CAMK1G: variants seen among roughly 807,000 people sequenced by gnomAD.
The protein encoded by CAMK1G is calcium/calmodulin dependent protein kinase IG.
CAMK1G carries 27 observed loss-of-function variants against 54.8 expected under a neutral mutation model. That is an observed-to-expected ratio of 0.49 (90% CI 0.36 to 0.68). CAMK1G has a LOEUF of 0.68. CAMK1G is among the 30% of genes least tolerant of loss of function. The pLI is 0.00. For missense variants in CAMK1G, 512 were observed against 591.0 expected, an observed-to-expected ratio of 0.87 and a Z score of 1.39; for synonymous variants, 238 against 224.9, an observed-to-expected ratio of 1.06 and a Z score of -0.52.
At chr1:209,591,259 C>A (rs1050156399) in intron 1 of CAMK1G, among the ~76,000 whole-genome samples, 4 of 152,112 alleles carry the variant, frequency 2.6e-5, no homozygotes, top group Non-Finnish European at 5.9e-5. Flanking sequence ...TGCCACCCTG[C>A]CAAGAGGAGC....
intron 1 of CAMK1G, among the ~76,000 whole-genome samples, chr1:209,590,148 T>C (rs1344080207): frequency 6.6e-6 from 1 of 152,146 alleles, no homozygotes; most frequent in Non-Finnish European, 1.5e-5. Flanking sequence ...ATGAGAGCAA[T>C]ATTGGAGCTT....
intron 1 of CAMK1G, among the ~76,000 whole-genome samples, chr1:209,585,114 C>T (rs150593580): frequency 6.6e-6 from 1 of 152,244 alleles, no homozygotes; most frequent in Non-Finnish European, 1.5e-5. Flanking sequence ...TTCCACGATG[C>T]TGCAGATTGC....
At chr1:209,597,855 C>G (rs749112976) in intron 2 of CAMK1G, among the ~76,000 whole-genome samples, 9 of 152,200 alleles carry the variant, frequency 5.9e-5, no homozygotes, top group Admixed American at 1.3e-4. Context: ...TCTTGTACTA[C>G]TGGGTGTTCT....
chr1:209,610,705 AT>A (rs1665760148), intron 9 of CAMK1G, among the ~76,000 whole-genome samples: 1 of 151,752 alleles, frequency 6.6e-6, no homozygotes, highest in Non-Finnish European at 1.5e-5. Context: ...GCCCAACCCA[AT>A]CTCCCCAGTT....
At chr1:209,603,411 G>A (rs890811369) in intron 4 of CAMK1G, 123 bp downstream of exon 4, 9 of 739,612 alleles carry the variant, frequency 1.2e-5, no homozygotes, top group African/African-American at 7.1e-5. Context: ...CTTCATTCAG[G>A]AGGCTCAGAA....
intron 2 of CAMK1G, among the ~76,000 whole-genome samples, chr1:209,597,239 T>A (rs1219352647): frequency 1.3e-5 from 2 of 152,228 alleles, no homozygotes; most frequent in Non-Finnish European, 2.9e-5. Context: ...TATGAACATG[T>A]ATGATGGCTT....
intron 3 of CAMK1G, among the ~76,000 whole-genome samples, chr1:209,601,685 C>A (rs1210552761): frequency 6.6e-6 from 1 of 152,126 alleles, no homozygotes; most frequent in Non-Finnish European, 1.5e-5. Flanking sequence ...GTTAGCATTG[C>A]CAGCTTCTGA....
chr1:209,595,714 A>C (rs1306778232), intron 2 of CAMK1G, among the ~76,000 whole-genome samples: 1 of 152,216 alleles, frequency 6.6e-6, no homozygotes, highest in Non-Finnish European at 1.5e-5. Context: ...CTCGTGGGTC[A>C]CACACACCTG....
chr1:209,606,389 A>C lies in CAMK1G; in HGVS notation c.505A>C (p.Lys169Gln). Residue 169 changes from lysine to glutamine, a missense_variant, in exon 6 of 13, where the codon AAG becomes CAG. Around this residue, in one of 3 missense-constraint regions of CAMK1G, gnomAD observed 186 missense variants for 231.5 expected, o/e 0.80. Coordinates refer to ENST00000361322, the MANE Select transcript of CAMK1G (RefSeq NM_020439.3). ...KIMITDFGLS[K>Q]MEQNGIMSTA... ...CATGATCACTGACTTTGGTCTGTCC[A>C]AGATGGAACAGAATGGCATCATGTC... The C allele has an allele frequency of 1.2e-6, 2 of 1,614,120 alleles. No homozygotes were observed. Among genetic ancestry groups the C allele is most frequent in the Non-Finnish European group, 1.7e-6 (2 of 1,179,972 alleles).
At position 209,613,309 on chromosome 1, in the gene CAMK1G, C is replaced by T; in HGVS notation, c.*307C>T. The T allele has an allele frequency of 4.9e-6, 1 of 205,398 alleles. No individual in the cohort carries two copies. 12.7% of individuals were successfully genotyped at this position (205,398 alleles called of 1,614,324 possible). ...ATGCCCCACACCCTACGTGCCGTGGCTCTGTGCAGTGTACGTAGATAGCTC... is the reference window on the plus strand; with the variant it reads ...ATGCCCCACACCCTACGTGCCGTGGTTCTGTGCAGTGTACGTAGATAGCTC... On this transcript the variant is annotated 3_prime_UTR_variant, in exon 13 of 13. Transcript: ENST00000361322.
rs1376781808 is a variant in CAMK1G, at chr1:209,609,942, T to C, written c.827+13T>C. On this transcript the variant is annotated intron_variant, in intron 9 of 12. Transcript: ENST00000361322. Reference sequence around the variant, plus strand: ...TGAGTCATCCCTGGTGAGTGAGACATGGAGTGGACTCTAGACCCCAGCCCT... The same window carrying C: ...TGAGTCATCCCTGGTGAGTGAGACACGGAGTGGACTCTAGACCCCAGCCCT... The C allele has an allele frequency of 5.8e-5, 93 of 1,607,236 alleles. No homozygotes were observed. Among genetic ancestry groups the C allele is most frequent in the Non-Finnish European group, 7.7e-5 (90 of 1,173,834 alleles).
intron 3 of CAMK1G, among the ~76,000 whole-genome samples, chr1:209,601,324 A>C (rs1341416381): frequency 6.6e-6 from 1 of 152,236 alleles, no homozygotes; most frequent in Non-Finnish European, 1.5e-5. Context: ...TTTGGGGTTG[A>C]CTAGTGAAAG....
At chr1:209,596,610 C>T (rs999237922) in intron 2 of CAMK1G, among the ~76,000 whole-genome samples, 5 of 151,838 alleles carry the variant, frequency 3.3e-5, no homozygotes, top group African/African-American at 1.2e-4. Flanking sequence ...CATCTAAATT[C>T]AACGTTGTTA....
At chr1:209,584,327 CGAG>C (rs1402571561) in intron 1 of CAMK1G, among the ~76,000 whole-genome samples, 5 of 152,168 alleles carry the variant, frequency 3.3e-5, no homozygotes, top group Non-Finnish European at 5.9e-5. Flanking sequence ...CTAAGGAAGA[CGAG>C]TCAGCCTCAG....
chr1:209,611,842 G>A lies in CAMK1G; in HGVS notation c.966G>A (p.Met322Ile). 1 of 1,614,178 alleles carries A rather than the reference G, an allele frequency of 6.2e-7. No individual in the cohort carries two copies. The highest frequency in any genetic ancestry group is 8.5e-7 in the Non-Finnish European group (1 of 1,180,048). The change falls in exon 11 of 13, where the codon ATG becomes ATA. Residue 322 changes from methionine (M) to isoleucine (I), a missense_variant. Transcript: ENST00000361322. Reference sequence around the variant, plus strand: ...TGCACCACATGAGGAAGCTACACATGAACCTGCACAGCCCGGGCGTCCGCC... The same window carrying A: ...TGCACCACATGAGGAAGCTACACATAAACCTGCACAGCCCGGGCGTCCGCC... The part of the protein sequence containing the change: ...AVVHHMRKLH[M>I]NLHSPGVRPE...
rs57076563 is a variant in CAMK1G, at chr1:209,609,187, A to G, written c.748+95A>G. The G allele has an allele frequency of 7.8e-3, 11,484 of 1,477,166 alleles. 719 individuals carry two copies. The African/African-American group carries it at 0.14, about 18-fold the overall frequency. 91.5% of individuals were successfully genotyped at this position (1,477,166 alleles called of 1,614,324 possible). A position where few individuals can be genotyped will look rare whatever the true frequency, so the allele number is the denominator to read the frequency against. On this transcript the variant is annotated intron_variant, in intron 8 of 12. Coordinates refer to ENST00000361322, the MANE Select transcript of CAMK1G (RefSeq NM_020439.3). The stretch of plus-strand genomic sequence containing the variant: ...CAAAGGATGACAGTCCCGGCTCTTC[A>G]AAGTCCCTGGGGATCTTACAGAACA...
intron 1 of CAMK1G, among the ~76,000 whole-genome samples, chr1:209,589,642 G>C (rs1206235991): frequency 1.3e-5 from 2 of 152,160 alleles, no homozygotes; most frequent in Non-Finnish European, 2.9e-5. Flanking sequence ...TGAGTGCCAG[G>C]AACAGTAGTA....
Position 209,609,855 on chromosome 1 carries a change from G to A in CAMK1G, c.753G>A (p.Lys251=). Residue 251 remains lysine (K), a synonymous_variant, in exon 9 of 13, where the codon AAG becomes AAA. Transcript: ENST00000361322. ...GTCTTTGATTACTCCCCTTAGCCAA[G>A]GACTTTATTTGCCACTTGCTTGAGA... ...PFWDDISESA[K]DFICHLLEKD... is the part of the protein sequence containing the mutation. The A allele has an allele frequency of 1.2e-6, 2 of 1,614,156 alleles. No homozygotes were observed. Among genetic ancestry groups the A allele is most frequent in the Non-Finnish European group, 1.7e-6 (2 of 1,180,012 alleles).
At chr1:209,588,177 G>T (rs1665149886) in intron 1 of CAMK1G, among the ~76,000 whole-genome samples, 2 of 152,208 alleles carry the variant, frequency 1.3e-5, no homozygotes, top group African/African-American at 4.8e-5. Flanking sequence ...CCCATGGGTA[G>T]AATTGAGAAC....
Sources: allele counts gnomAD v4.1 joint callset (sites outside exome capture counted in the v4.1 genomes callset), GRCh38; gene constraint gnomAD v4.1.1; regional missense constraint gnomAD v4.1.1; transcripts MANE v1.5; gene names NCBI Gene and HGNC (gene_info 2026-07-23, HGNC 2026-07-21).